The following HYAL4 variants were observed in gnomAD, a reference collection of about 807,000 sequenced individuals.
HYAL4 encodes hyaluronidase 4, also known as hyaluronidase-4.
In HYAL4, 37 loss-of-function variants were observed where a neutral mutation model predicts 35.2. The observed-to-expected ratio is 1.05, with a 90% CI of 0.81 to 1.38. HYAL4 has a LOEUF of 1.38. Among genes scored for constraint, HYAL4 ranks in the 40% most tolerant of loss-of-function variants. The pLI, the probability that HYAL4 is intolerant of heterozygous loss-of-function variation, is 0.00. For synonymous variants in HYAL4, 198 were observed against 203.2 expected (o/e 0.97, Z 0.22); for missense variants, 572 against 572.4 (o/e 1.00, Z 0.01).
the HYAL4 span, among the ~76,000 whole-genome samples, chr7:123,813,506 G>T: frequency 4.6e-5 from 7 of 151,396 alleles, no homozygotes; most frequent in African/African-American, 1.7e-4. Context: ...TGCCTAAGAA[G>T]ATGATAGCAC....
the HYAL4 span, among the ~76,000 whole-genome samples, chr7:123,804,761 G>A: frequency 6.6e-6 from 1 of 152,134 alleles, no homozygotes; most frequent in Admixed American, 6.5e-5. Context: ...TGCTGATACT[G>A]AATTGAATCT....
the HYAL4 span, among the ~76,000 whole-genome samples, chr7:123,812,739 G>T: frequency 6.6e-6 from 1 of 152,076 alleles, no homozygotes; most frequent in African/African-American, 2.4e-5. Flanking sequence ...GGGAGGTAAA[G>T]AATAATATTT....
At chr7:123,767,894 G>A in the HYAL4 span, among the ~76,000 whole-genome samples, 1 of 152,108 alleles carries the variant, frequency 6.6e-6, no homozygotes. Context: ...CAGATTTAGA[G>A]GGGAAATAAA....
the HYAL4 span, among the ~76,000 whole-genome samples, chr7:123,804,372 TGAA>T: frequency 1.3e-5 from 2 of 152,196 alleles, no homozygotes; most frequent in East Asian, 3.8e-4. Flanking sequence ...GTGTTTATCT[TGAA>T]GAGTCCTAGA....
intron 1 of HYAL4, among the ~76,000 whole-genome samples, chr7:123,831,027 A>C (rs1805876040): frequency 6.6e-6 from 1 of 152,122 alleles, no homozygotes; most frequent in Non-Finnish European, 1.5e-5. Context: ...ATTAGTCCCC[A>C]CCAAAACTCA....
In HYAL4 at chr7:123,876,920, G is replaced by A. The variant is rs760619424; in HGVS notation, c.1211G>A (p.Ser404Asn). ...APSYLHLNPA[S>N]YHIEASEDGE... ...AGTTACCTTCACTTGAACCCTGCAA[G>A]TTACCACATAGAGGCCTCTGAGGAC... The change falls in exon 5 of 5, where the codon AGT (serine) becomes AAT (asparagine). Residue 404 changes from serine to asparagine, a missense_variant. By Grantham distance (46) the Ser-to-Asn change is conservative. Transcript: ENST00000223026. 3.1e-6 allele frequency: 5 copies of A among 1,614,166 alleles called. No individual in the cohort carries two copies. In the Admixed American group the frequency reaches 5.0e-5, roughly 16 times the overall value.
chr7:123,784,164 C>G, the HYAL4 span, among the ~76,000 whole-genome samples: 2 of 152,064 alleles, frequency 1.3e-5, no homozygotes, highest in African/African-American at 4.8e-5. Flanking sequence ...TACGTCTAGT[C>G]TTGATTTAAA....
At position 123,876,945 on chromosome 7, in the gene HYAL4, C is replaced by T. The variant is rs201879421; in HGVS notation, c.1236C>T (p.Asp412=). 6.0e-5 allele frequency: 97 copies of T among 1,614,066 alleles called. No individual in the cohort carries two copies. The highest frequency in any genetic ancestry group is 1.6e-4 in the East Asian group (7 of 44,870). The change falls in exon 5 of 5, where the codon GAC becomes GAT. Residue 412 remains aspartate (D), a synonymous_variant. Coordinates refer to ENST00000223026, the MANE Select transcript of HYAL4 (RefSeq NM_012269.3). The stretch of plus-strand genomic sequence containing the variant: ...GTTACCACATAGAGGCCTCTGAGGA[C>T]GGGGAGTTTACTGTGAAAGGAAAAG... The part of the protein sequence containing the change: ...PASYHIEASE[D]GEFTVKGKAS...
At position 123,869,193 on chromosome 7, in the gene HYAL4, G is replaced by C. The variant is rs758218890; in HGVS notation, c.920G>C (p.Gly307Ala). Residue 307 changes from glycine to alanine, a missense_variant, in exon 3 of 5, where the codon GGG becomes GCG. Gly to Ala is a moderately conservative substitution (Grantham distance 60). Coordinates refer to ENST00000223026, the MANE Select transcript of HYAL4 (RefSeq NM_012269.3). ...ALPVFVYTRL[G>A]YRDEPLFFLS... The stretch of plus-strand genomic sequence containing the variant: ...CCTGTATTTGTCTACACAAGGCTAG[G>C]GTACAGAGATGAACCTTTATTTTTC... 6.2e-7 allele frequency: 1 copy of C among 1,611,508 alleles called. No individual in the cohort carries two copies. The highest frequency in any genetic ancestry group is 1.1e-5 in the South Asian group (1 of 90,656).
rs1234165560 is a variant in HYAL4 at position 123,833,642 on chromosome 7, A to C, written c.-257+4518A>C. Reference sequence around the variant, plus strand: ...TGCATTTGCTTTTGAGTTCTTGGTCATGAAATCCTTGCCTAAGTCAATGTC... The same window carrying C: ...TGCATTTGCTTTTGAGTTCTTGGTCCTGAAATCCTTGCCTAAGTCAATGTC... On this transcript the variant is annotated intron_variant, in intron 1 of 4. Coordinates refer to the HYAL4 transcript ENST00000489978. 1.3e-4 allele frequency among the ~76,000 whole-genome samples: 20 copies of C among 152,098 alleles called. 1 individual carries two copies. The highest frequency in any genetic ancestry group is 1.3e-3 in the Admixed American group (20 of 15,264).
intron 3 of HYAL4, among the ~76,000 whole-genome samples, chr7:123,873,668 A>C (rs1455827930): frequency 1.3e-5 from 2 of 152,206 alleles, no homozygotes; most frequent in African/African-American, 4.8e-5. Context: ...GTTGTAATTT[A>C]ATAAACTAGG....
At chr7:123,806,521 G>A in the HYAL4 span, among the ~76,000 whole-genome samples, 3 of 151,838 alleles carry the variant, frequency 2.0e-5, no homozygotes, top group Non-Finnish European at 4.4e-5. Context: ...TTGGCTCACC[G>A]CAACCTCTGC....
intron 2 of HYAL4, among the ~76,000 whole-genome samples, 162 bp from the exon 3 acceptor site, chr7:123,868,061 A>T (rs1806732893): frequency 6.6e-6 from 1 of 152,178 alleles, no homozygotes; most frequent in South Asian, 2.1e-4. Context: ...AATAGAAGCT[A>T]GGTCTCTACA....
At chr7:123,770,665 G>A in the HYAL4 span, among the ~76,000 whole-genome samples, 3 of 151,988 alleles carry the variant, frequency 2.0e-5, no homozygotes, top group Non-Finnish European at 2.9e-5. Context: ...GAGGAGTGTT[G>A]AGAAATGAAA....
At chr7:123,771,811 T>G in the HYAL4 span, among the ~76,000 whole-genome samples, 2 of 151,480 alleles carry the variant, frequency 1.3e-5, no homozygotes, top group African/African-American at 2.4e-5. Flanking sequence ...GAGGTTTTTT[T>G]TTTTTTTTTT....
intron 4 of HYAL4, among the ~76,000 whole-genome samples, chr7:123,875,757 A>T (rs1807006466): frequency 6.6e-6 from 1 of 151,974 alleles, no homozygotes; most frequent in East Asian, 1.9e-4. Flanking sequence ...AGTTTTCCCC[A>T]ATCCACATTA....
rs748011554 is a variant in HYAL4 at position 123,869,115 on chromosome 7, G to A, written c.842G>A (p.Arg281Gln). Residue 281 changes from arginine (R) to glutamine (Q), a missense_variant, in exon 3 of 5, where the codon CGG becomes CAG. Coordinates refer to ENST00000223026, the MANE Select transcript of HYAL4 (RefSeq NM_012269.3). ...SENILRFSKFRVHESMRISTM... is the reference protein window; with the variant it reads ...SENILRFSKFQVHESMRISTM... ...AACATTTTGCGCTTCTCCAAATTTC[G>A]GGTGCATGAATCCATGAGGATCTCC... is the stretch of plus-strand genomic sequence containing the variant. 9.9e-6 allele frequency: 16 copies of A among 1,613,920 alleles called. No individual in the cohort carries two copies. The highest frequency in any genetic ancestry group is 1.2e-5 in the Non-Finnish European group (14 of 1,180,018).
the HYAL4 span, among the ~76,000 whole-genome samples, chr7:123,794,964 C>T: frequency 6.6e-6 from 1 of 152,186 alleles, no homozygotes; most frequent in East Asian, 1.9e-4. Context: ...CTGAAGGCAC[C>T]CAAGAGTGGA....
chr7:123,834,299 C>T (rs1805928573), intron 1 of HYAL4, among the ~76,000 whole-genome samples: 1 of 152,134 alleles, frequency 6.6e-6, no homozygotes, highest in South Asian at 2.1e-4. Context: ...AGGTCTTTCA[C>T]CTCCTTAGTT....
Sources: allele counts gnomAD v4.1 joint callset (sites outside exome capture counted in the v4.1 genomes callset), GRCh38; gene constraint gnomAD v4.1.1; transcripts MANE v1.5; gene names NCBI Gene and HGNC (gene_info 2026-07-23, HGNC 2026-07-21).